Variants in DMD observed in about 807,000 individuals in gnomAD.
DMD encodes the protein mutant dystrophin.
DMD carries 63 observed loss-of-function variants against 330.1 expected under a neutral mutation model. The observed-to-expected ratio is 0.19, with a 90% CI of 0.16 to 0.24. DMD has a LOEUF of 0.24. DMD is among the 10% of genes least tolerant of loss of function. The pLI, the probability that DMD is intolerant of heterozygous loss-of-function variation, is 1.00. For missense variants in DMD, 3,344 were observed against 2,684.1 expected (o/e 1.25, Z -5.43); for synonymous variants, 1,223 against 959.8 (o/e 1.27, Z -5.07).
At chrX:32,454,289 T>C (rs1472355525) in intron 26 of DMD, among the ~76,000 whole-genome samples, 2 of 111,409 alleles carry the variant, frequency 1.8e-5, no homozygotes, top group Non-Finnish European at 3.8e-5. Flanking sequence ...TAACACAGTT[T>C]GTTGACTACA....
At chrX:31,987,301 T>C (rs896775018) in intron 44 of DMD, among the ~76,000 whole-genome samples, 1 of 111,741 alleles carries the variant, frequency 8.9e-6, no homozygotes, top group Non-Finnish European at 1.9e-5. Flanking sequence ...GGTAGAAACC[T>C]TCAAAACCCT....
At chrX:31,396,155 T>TTTTTTTTG (rs1354773905) in intron 60 of DMD, among the ~76,000 whole-genome samples, 15 of 108,554 alleles carry the variant, frequency 1.4e-4, no homozygotes, top group Non-Finnish European at 2.7e-4. Flanking sequence ...TTTTTTTTTT[T>TTTTTTTTG]GAGACGGAGT....
chrX:32,158,274 T>C (rs1164894020), intron 44 of DMD, among the ~76,000 whole-genome samples: 1 of 111,706 alleles, frequency 9.0e-6, no homozygotes, highest in Non-Finnish European at 1.9e-5. Flanking sequence ...GGCTCACATC[T>C]GTGATCCCAG....
intron 55 of DMD, among the ~76,000 whole-genome samples, chrX:31,544,394 G>C (rs1170530821): frequency 9.1e-6 from 1 of 109,867 alleles, no homozygotes; most frequent in Non-Finnish European, 1.9e-5. Context: ...TGGTATTTGA[G>C]AAGACAGCAG....
intron 7 of DMD, chrX:32,756,193 A>C (rs930648874): frequency 8.9e-6 from 1 of 112,358 alleles, no homozygotes; most frequent in Admixed American, 9.4e-5. Context: ...GCTCAACAAG[A>C]AATTCAGTCC....
chrX:32,712,174 G>C (rs1169431608), intron 7 of DMD, among the ~76,000 whole-genome samples: 1 of 111,329 alleles, frequency 9.0e-6, no homozygotes, highest in Non-Finnish European at 1.9e-5. Flanking sequence ...TTGGACACTT[G>C]CCATAAGTCG....
chrX:31,367,839 C>A lies in DMD; in HGVS notation c.9085-19205G>T, dbSNP rs769692433. On this transcript the variant is annotated intron_variant, in intron 60 of 78. Transcript: ENST00000357033. ...ATGGTTCTCCATACTCCTCCAATGA[C>A]ACAAAGCCTATCCTGCTTTGAATTC... 2.2e-4 allele frequency among the ~76,000 whole-genome samples: 25 copies of A among 111,912 alleles called. No individual in the cohort carries two copies. The South Asian group carries it at 9.4e-3, about 42-fold the overall frequency.
At chrX:31,365,301 A>C (rs754901938) in intron 60 of DMD, among the ~76,000 whole-genome samples, 13 of 111,222 alleles carry the variant, frequency 1.2e-4, no homozygotes, top group Non-Finnish European at 2.3e-4. Flanking sequence ...CTCAGGGTCA[A>C]TAATATTTCA....
At chrX:32,014,040 A>C (rs2150423811) in intron 44 of DMD, among the ~76,000 whole-genome samples, 1 of 112,360 alleles carries the variant, frequency 8.9e-6, no homozygotes, top group Non-Finnish European at 1.9e-5. Flanking sequence ...TGCTATTTTT[A>C]AAAGTGCTTC....
chrX:32,531,239 G>A (rs1242821134), intron 17 of DMD, among the ~76,000 whole-genome samples: 1 of 111,886 alleles, frequency 8.9e-6, no homozygotes, highest in South Asian at 3.7e-4. Flanking sequence ...GTACCTTGAA[G>A]CCATAATACA....
chrX:32,171,605 T>C (rs1472109171), intron 44 of DMD, among the ~76,000 whole-genome samples: 2 of 111,520 alleles, frequency 1.8e-5, no homozygotes, highest in Non-Finnish European at 3.8e-5. Context: ...AAGAATTCTC[T>C]GTAATGCTTT....
At chrX:32,759,341 A>G (rs1244968784) in intron 7 of DMD, among the ~76,000 whole-genome samples, 1 of 111,762 alleles carries the variant, frequency 8.9e-6, no homozygotes, top group Non-Finnish European at 1.9e-5. Flanking sequence ...ATGTGGAAGT[A>G]ACAAAGACAG....
intron 11 of DMD, among the ~76,000 whole-genome samples, chrX:32,616,985 T>G (rs2057633651): frequency 9.1e-6 from 1 of 110,282 alleles, no homozygotes; most frequent in Non-Finnish European, 1.9e-5. Context: ...TTTTGAGTTA[T>G]AAGAAACTCA....
intron 4 of DMD, among the ~76,000 whole-genome samples, chrX:32,828,010 G>A (rs1603442611): frequency 9.0e-6 from 1 of 111,196 alleles, no homozygotes; most frequent in East Asian, 2.8e-4. Flanking sequence ...TTCTGTTCAT[G>A]CACTAGTTTG....
intron 1 of DMD, among the ~76,000 whole-genome samples, chrX:33,188,813 T>G (rs2050388651): frequency 9.0e-6 from 1 of 111,093 alleles, no homozygotes; most frequent in Non-Finnish European, 1.9e-5. Context: ...GTCACTAAGG[T>G]GAGCTCTAAT....
chrX:32,073,959 T>C (rs2096322419), intron 44 of DMD, among the ~76,000 whole-genome samples: 1 of 111,518 alleles, frequency 9.0e-6, no homozygotes. Context: ...TCGATTATAT[T>C]CCATAAAAAT....
chrX:32,708,679 T>G (rs1204623092), intron 7 of DMD, among the ~76,000 whole-genome samples: 1 of 111,630 alleles, frequency 9.0e-6, no homozygotes, highest in African/African-American at 3.3e-5. Flanking sequence ...AATCACGTTT[T>G]ATAATTAGAA....
At chrX:31,530,383 G>A (rs1419546523) in intron 55 of DMD, among the ~76,000 whole-genome samples, 5 of 111,832 alleles carry the variant, frequency 4.5e-5, no homozygotes. Flanking sequence ...CACTGGAAGG[G>A]GAAACCTCCT....
At chrX:31,741,859 A>G (rs1200262318) in intron 51 of DMD, among the ~76,000 whole-genome samples, 3 of 111,689 alleles carry the variant, frequency 2.7e-5, no homozygotes, top group South Asian at 3.8e-4. Context: ...TCCTTTTCCA[A>G]TAGAAGGCTG....
Sources: gnomAD v4.1 joint callset for allele counts (sites outside exome capture counted in the v4.1 genomes callset) on GRCh38, gnomAD v4.1.1 for gene constraint, MANE v1.5 for transcripts, NCBI Gene and HGNC (gene_info 2026-07-23, HGNC 2026-07-21) for gene names.